Variants in SAMD12 observed in about 807,000 individuals in gnomAD.
SAMD12 encodes sterile alpha motif domain containing 12.
A neutral mutation model predicts 15.0 loss-of-function variants in SAMD12; 9 were observed. The ratio of observed to expected loss-of-function variants is 0.60; its 90% CI spans 0.36 to 1.05. The LOEUF (loss-of-function observed/expected upper bound fraction) is 1.05. Ranked by LOEUF, SAMD12 falls within the 50% of genes least tolerant of loss-of-function variation. The pLI, the probability that SAMD12 is intolerant of heterozygous loss-of-function variation, is 0.01. For synonymous variants in SAMD12, 86 were observed against 90.1 expected (o/e 0.96, Z 0.25); for missense variants, 230 against 234.2 (o/e 0.98, Z 0.12).
Position 118,378,678 on chromosome 8 carries a change from A to T in SAMD12, c.*739T>A. On this transcript the variant is annotated 3_prime_UTR_variant, in exon 4 of 4. Transcript: ENST00000314727. Reference sequence around the variant, plus strand: ...AAATACTCAAGGCTCTCAAAAACACATATTTTATCATCCTTTCATTTAAAA... The same window carrying T: ...AAATACTCAAGGCTCTCAAAAACACTTATTTTATCATCCTTTCATTTAAAA... 2.0e-6 allele frequency: 2 copies of T among 984,854 alleles called. No individual in the cohort carries two copies. Among genetic ancestry groups the T allele is most frequent in the Middle Eastern group, 1.0e-3 (2 of 1,912 alleles). 61.0% of individuals were successfully genotyped at this position (984,854 alleles called of 1,614,324 possible). A position where few individuals can be genotyped will look rare whatever the true frequency, so the allele number is the denominator to read the frequency against.
At chr8:118,270,943 A>G (rs575514193) in intron 4 of SAMD12, among the ~76,000 whole-genome samples, 9 of 152,336 alleles carry the variant, frequency 5.9e-5, no homozygotes, top group African/African-American at 2.2e-4. Flanking sequence ...CATCATTTGA[A>G]TATAATTATT....
At chr8:118,361,875 G>T (rs1468648479) in intron 4 of SAMD12, among the ~76,000 whole-genome samples, 2 of 152,122 alleles carry the variant, frequency 1.3e-5, no homozygotes, top group Non-Finnish European at 2.9e-5. Flanking sequence ...AATATGATGA[G>T]CCCAAGTCCC....
intron 4 of SAMD12, among the ~76,000 whole-genome samples, chr8:118,361,485 CA>C (rs1364707091): frequency 5.3e-5 from 8 of 152,154 alleles, no homozygotes; most frequent in African/African-American, 1.7e-4. Flanking sequence ...AGACCATACT[CA>C]ATAAGTAATC....
chr8:118,154,168 A>G, the SAMD12 span, among the ~76,000 whole-genome samples: 1 of 152,050 alleles, frequency 6.6e-6, no homozygotes, highest in Non-Finnish European at 1.5e-5. Flanking sequence ...ACACATACAC[A>G]CACATACAAT....
At chr8:118,266,101 A>ACAGAGTGGTGAGTGAAAGTAG (rs1813192788) in intron 4 of SAMD12, among the ~76,000 whole-genome samples, 1 of 152,104 alleles carries the variant, frequency 6.6e-6, no homozygotes, top group Non-Finnish European at 1.5e-5. Flanking sequence ...GGCAGGCAAG[A>ACAGAGTGGTGAGTGAAAGTAG]CAGAGTGGTG....
chr8:118,287,120 A>AT (rs202195351), intron 4 of SAMD12, among the ~76,000 whole-genome samples: 5,804 of 132,682 alleles, frequency 0.044, 433 homozygotes, highest in African/African-American at 0.17. Context: ...GTAAGGAAGA[A>AT]TATTTTTTTT....
At chr8:118,288,876 T>A (rs534880598) in intron 4 of SAMD12, among the ~76,000 whole-genome samples, 1 of 152,324 alleles carries the variant, frequency 6.6e-6, no homozygotes, top group South Asian at 2.1e-4. Flanking sequence ...TATGATGTCA[T>A]TATTACTTTC....
At chr8:118,366,889 TAAAATAA>T (rs1818824701) in intron 4 of SAMD12, among the ~76,000 whole-genome samples, 1 of 89,452 alleles carries the variant, frequency 1.1e-5, no homozygotes, top group Non-Finnish European at 2.4e-5. Context: ...AATAATAAAA[TAAAATAA>T]AATAAAATAA....
chr8:118,133,706 A>C, the SAMD12 span, among the ~76,000 whole-genome samples: 1 of 151,410 alleles, frequency 6.6e-6, no homozygotes, highest in Admixed American at 6.6e-5. Flanking sequence ...CAACAGCAAG[A>C]CTTTTTTTTT....
At chr8:118,219,129 T>G (rs943332339) in intron 4 of SAMD12, among the ~76,000 whole-genome samples, 1 of 152,178 alleles carries the variant, frequency 6.6e-6, no homozygotes, top group African/African-American at 2.4e-5. Flanking sequence ...CCTCACTCTT[T>G]TTTTACGTTT....
the SAMD12 span, among the ~76,000 whole-genome samples, chr8:118,141,400 G>GAT: frequency 6.6e-6 from 1 of 152,218 alleles, no homozygotes; most frequent in Non-Finnish European, 1.5e-5. Flanking sequence ...TTGTGAGGAT[G>GAT]ATATGTGAGG....
chr8:118,497,571 G>A (rs1824653131), intron 2 of SAMD12, among the ~76,000 whole-genome samples: 1 of 152,006 alleles, frequency 6.6e-6, no homozygotes, highest in South Asian at 2.1e-4. Context: ...GACTTGACAG[G>A]GGAGTGTGGG....
At chr8:118,298,662 T>C (rs192541157) in intron 4 of SAMD12, among the ~76,000 whole-genome samples, 109 of 152,336 alleles carry the variant, frequency 7.2e-4, no homozygotes, top group African/African-American at 2.5e-3. Context: ...ATGAGGTACA[T>C]GCACAAAGAT....
At chr8:118,131,888 G>T in the SAMD12 span, among the ~76,000 whole-genome samples, 1 of 152,080 alleles carries the variant, frequency 6.6e-6, no homozygotes, top group Non-Finnish European at 1.5e-5. Context: ...AAATAATTCC[G>T]GTTCTGAAAA....
chr8:118,451,519 T>A (rs963220306), intron 2 of SAMD12, among the ~76,000 whole-genome samples: 2 of 152,230 alleles, frequency 1.3e-5, no homozygotes, highest in African/African-American at 2.4e-5. Flanking sequence ...AAATACCTAC[T>A]CTGCCCATTT....
intron 2 of SAMD12, among the ~76,000 whole-genome samples, chr8:118,576,613 T>C (rs58904837): frequency 0.011 from 1,643 of 152,302 alleles, 35 homozygotes; most frequent in African/African-American, 0.037. Context: ...GCAAGTCTTG[T>C]TCTGACTGCT....
intron 2 of SAMD12, among the ~76,000 whole-genome samples, chr8:118,554,852 T>C (rs922293514): frequency 3.3e-5 from 5 of 152,196 alleles, no homozygotes; most frequent in Admixed American, 2.6e-4. Context: ...TGCCTGAGTT[T>C]CCAGACAGCA....
At chr8:118,474,505 C>T (rs886081330) in intron 2 of SAMD12, among the ~76,000 whole-genome samples, 5 of 151,738 alleles carry the variant, frequency 3.3e-5, no homozygotes, top group African/African-American at 9.7e-5. Flanking sequence ...CTCAGCCTCC[C>T]GAGTAGCTGG....
chr8:118,222,103 G>C (rs1346580735), intron 4 of SAMD12, among the ~76,000 whole-genome samples: 1 of 152,172 alleles, frequency 6.6e-6, no homozygotes, highest in Non-Finnish European at 1.5e-5. Flanking sequence ...GAAAATCCTG[G>C]GTTGGCTCTA....
Sources: allele counts gnomAD v4.1 joint callset (sites outside exome capture counted in the v4.1 genomes callset), GRCh38; gene constraint gnomAD v4.1.1; transcripts MANE v1.5; gene names NCBI Gene and HGNC (gene_info 2026-07-23, HGNC 2026-07-21).